The following NALCN variants were observed in gnomAD, a reference collection of about 807,000 sequenced individuals.
NALCN encodes the protein sodium leak channel NALCN.
NALCN carries 111 observed loss-of-function variants against 225.3 expected under a neutral mutation model. The ratio of observed to expected loss-of-function variants is 0.49; its 90% CI spans 0.42 to 0.58. NALCN has a LOEUF of 0.58. Among genes scored for constraint, NALCN ranks in the 20% least tolerant of loss-of-function variants. The pLI is 0.00. For synonymous variants in NALCN, 764 were observed against 769.0 expected (o/e 0.99, Z 0.11); for missense variants, 1,378 against 2,202.4 (o/e 0.63, Z 7.49).
chr13:101,142,022 G>A (rs1186270184), intron 17 of NALCN, among the ~76,000 whole-genome samples: 1 of 151,456 alleles, frequency 6.6e-6, no homozygotes, highest in Non-Finnish European at 1.5e-5. Flanking sequence ...ATGTGACCAA[G>A]CTGATATATA....
At chr13:101,190,385 G>A (rs1259885495) in intron 14 of NALCN, among the ~76,000 whole-genome samples, 1 of 152,180 alleles carries the variant, frequency 6.6e-6, no homozygotes. Flanking sequence ...TAAATGATGT[G>A]TAAATGAATG....
chr13:101,288,722 C>T (rs2043433531), intron 9 of NALCN, among the ~76,000 whole-genome samples: 1 of 152,208 alleles, frequency 6.6e-6, no homozygotes, highest in Admixed American at 6.5e-5. Flanking sequence ...ACCAAACCTT[C>T]AATATGATCC....
At chr13:101,191,896 A>C (rs1429646906) in intron 14 of NALCN, 21 bp downstream of exon 14, 1 of 1,493,020 alleles carries the variant, frequency 6.7e-7, no homozygotes, top group Admixed American at 2.2e-5. Context: ...GATATAATTG[A>C]AAAAAAAATG....
intron 9 of NALCN, among the ~76,000 whole-genome samples, chr13:101,286,836 C>G (rs1260167808): frequency 4.0e-5 from 6 of 150,630 alleles, no homozygotes; most frequent in Non-Finnish European, 7.4e-5. Context: ...CCACCACTAA[C>G]ATTTTACAGT....
intron 6 of NALCN, among the ~76,000 whole-genome samples, chr13:101,364,316 A>G (rs1591724): frequency 0.11 from 16,162 of 152,180 alleles, 1,306 homozygotes; most frequent in East Asian, 0.35. Flanking sequence ...TACGGAATCA[A>G]CCTAACTGCC....
intron 13 of NALCN, among the ~76,000 whole-genome samples, chr13:101,193,098 CCTT>C (rs1455567177): frequency 8.5e-6 from 1 of 118,330 alleles, no homozygotes; most frequent in Non-Finnish European, 1.7e-5. Context: ...TCATCTGATT[CCTT>C]CTTTTTTTTT....
intron 15 of NALCN, among the ~76,000 whole-genome samples, chr13:101,171,461 T>A (rs911733379): frequency 3.3e-5 from 5 of 151,958 alleles, no homozygotes; most frequent in Admixed American, 2.6e-4. Context: ...TTCCGAGGTC[T>A]CTGTATTGGC....
intron 14 of NALCN, among the ~76,000 whole-genome samples, chr13:101,187,117 A>T (rs2039482187): frequency 6.6e-6 from 1 of 152,182 alleles, no homozygotes; most frequent in South Asian, 2.1e-4. Flanking sequence ...CAGCCTGAAA[A>T]TATTAAGACA....
Position 101,142,996 on chromosome 13 carries a change from C to G in NALCN, c.2118+84G>C, listed in dbSNP as rs114113615. 3.1e-4 allele frequency: 470 copies of G among 1,510,810 alleles called. 3 individuals are homozygous for G. The African/African-American group carries it at 5.8e-3, about 19-fold the overall frequency. 93.6% of individuals were successfully genotyped at this position (1,510,810 alleles called of 1,614,324 possible). On this transcript the variant is annotated intron_variant, in intron 17 of 43. Transcript: ENST00000251127. ...CATTATTCTCTTGAGAAATTGGATTCCAGGACCCTAAAGAACTCTGCGGTT... is the reference window on the plus strand; with the variant it reads ...CATTATTCTCTTGAGAAATTGGATTGCAGGACCCTAAAGAACTCTGCGGTT...
chr13:101,110,096 C>A (rs971539660), intron 20 of NALCN, among the ~76,000 whole-genome samples: 2 of 152,164 alleles, frequency 1.3e-5, no homozygotes, highest in Non-Finnish European at 2.9e-5. Flanking sequence ...AGAGCAAACA[C>A]TTGATAACTA....
chr13:101,286,864 T>TACACACACACAC (rs71121180), intron 9 of NALCN, among the ~76,000 whole-genome samples: 4 of 146,956 alleles, frequency 2.7e-5, no homozygotes, highest in South Asian at 4.4e-4. Flanking sequence ...CCAGGTATTA[T>TACACACACACAC]ACACACACAC....
At position 101,259,781 on chromosome 13, in the gene NALCN, C is replaced by T. The variant is rs9300658; in HGVS notation, c.1135-1207G>A. On this transcript the variant is annotated intron_variant, in intron 10 of 43. Coordinates refer to ENST00000251127, the MANE Select transcript of NALCN (RefSeq NM_052867.4). ...ACACACATAAATATATATATATACA[C>T]ATATATATTTATGGAGTACACAAGA... Among the ~76,000 whole-genome samples the T allele has an allele frequency of 5.0e-4, 73 of 144,824 alleles. 3 individuals are homozygous for T. The highest frequency in any genetic ancestry group is 1.6e-3 in the African/African-American group (62 of 39,718).
At chr13:101,323,246 A>T (rs2044818852) in intron 7 of NALCN, among the ~76,000 whole-genome samples, 2 of 152,234 alleles carry the variant, frequency 1.3e-5, no homozygotes, top group Non-Finnish European at 2.9e-5. Context: ...AGACTGATGA[A>T]TAATGAACTT....
intron 6 of NALCN, among the ~76,000 whole-genome samples, chr13:101,369,657 A>G (rs1004005789): frequency 3.9e-5 from 6 of 152,138 alleles, no homozygotes; most frequent in Non-Finnish European, 7.4e-5. Context: ...GCAGTACTAC[A>G]CAGCTGCTTT....
At chr13:101,203,550 G>A (rs538567762) in intron 13 of NALCN, among the ~76,000 whole-genome samples, 177 of 152,284 alleles carry the variant, frequency 1.2e-3, no homozygotes, top group African/African-American at 4.1e-3. Context: ...GACTTAAAAT[G>A]TTTGGTCATA....
intron 7 of NALCN, among the ~76,000 whole-genome samples, chr13:101,342,997 C>A (rs916200931): frequency 6.6e-6 from 1 of 151,916 alleles, no homozygotes; most frequent in Non-Finnish European, 1.5e-5. Flanking sequence ...TTTAACTAAC[C>A]ATAATTACTT....
intron 15 of NALCN, among the ~76,000 whole-genome samples, chr13:101,151,258 T>A (rs2037634679): frequency 6.6e-6 from 1 of 152,234 alleles, no homozygotes; most frequent in Admixed American, 6.5e-5. Context: ...TTCTGCCTCA[T>A]CGCTTAAATC....
intron 7 of NALCN, among the ~76,000 whole-genome samples, chr13:101,296,837 TTTCA>T (rs2043775568): frequency 6.6e-6 from 1 of 152,222 alleles, no homozygotes; most frequent in East Asian, 1.9e-4. Flanking sequence ...GTTCTCCTGA[TTTCA>T]TTCATTCTTT....
intron 11 of NALCN, among the ~76,000 whole-genome samples, chr13:101,255,288 A>T (rs2042193832): frequency 6.6e-6 from 1 of 152,212 alleles, no homozygotes; most frequent in Non-Finnish European, 1.5e-5. Flanking sequence ...TTAAGGTATG[A>T]GGATAAATCA....
Sources: allele counts gnomAD v4.1 joint callset (sites outside exome capture counted in the v4.1 genomes callset), GRCh38; gene constraint gnomAD v4.1.1; transcripts MANE v1.5; gene names NCBI Gene and HGNC (gene_info 2026-07-23, HGNC 2026-07-21).